The following FAM120B variants were observed in gnomAD, a reference collection of about 807,000 sequenced individuals.
FAM120B encodes the protein family with sequence similarity 120 member B.
In FAM120B, 83 loss-of-function variants were observed where a neutral mutation model predicts 96.3. That is an observed-to-expected ratio of 0.86 (90% CI 0.72 to 1.03). The LOEUF is 1.03. FAM120B is among the 50% of genes least tolerant of loss of function. The pLI, the probability that FAM120B is intolerant of heterozygous loss-of-function variation, is 0.00. For missense variants in FAM120B, 1,027 were observed against 1,121.2 expected (o/e 0.92, Z 1.20); for synonymous variants, 407 against 402.7 (o/e 1.01, Z -0.13).
In FAM120B at chr6:170,318,947, A is replaced by G. The variant is rs1785115589; in HGVS notation, c.1557A>G (p.Glu519=). 1.2e-6 allele frequency: 2 copies of G among 1,614,226 alleles called. No individual in the cohort carries two copies. The highest frequency in any genetic ancestry group is 1.7e-6 in the Non-Finnish European group (2 of 1,180,020). ...GTACAGATCCTATATCCAAGCAAGA[A>G]GACTCCATGTGTACACACGCTGAAA... The part of the protein sequence containing the change: ...PICTDPISKQ[E]DSMCTHAEIN... Residue 519 remains glutamate, a synonymous_variant, in exon 2 of 11, where the codon GAA becomes GAG. Transcript: ENST00000476287.
At chr6:170,361,212 A>ACATATTTTTAATATGTATGTAAC (rs1456252049) in intron 6 of FAM120B, among the ~76,000 whole-genome samples, 1 of 101,614 alleles carries the variant, frequency 9.8e-6, no homozygotes, top group Admixed American at 1.0e-4. Context: ...ATATATATAT[A>ACATATTTTTAATATGTATGTAAC]TATATATATA....
rs867169992 is a variant in FAM120B, at chr6:170,361,193, T to C, written c.2283+2875T>C. Among the ~76,000 whole-genome samples, 26 of 83,988 alleles carry C rather than the reference T, an allele frequency of 3.1e-4. 1 individual carries two copies. Among genetic ancestry groups the C allele is most frequent in the Middle Eastern group, 4.7e-3 (1 of 214 alleles). The allele number at this position is 83,988 out of a possible 152,430, so 55.1% of individuals were successfully genotyped here. A position where few individuals can be genotyped will look rare whatever the true frequency, so the allele number is the denominator to read the frequency against. ...ATATAGCCTTAAAACTATATATATA[T>C]ACGTGTATATATATATATATATATA... On this transcript the variant is annotated intron_variant, in intron 6 of 10. Coordinates refer to ENST00000476287, the MANE Select transcript of FAM120B (RefSeq NM_032448.3).
chr6:170,398,449 T>C (rs183204078), intron 9 of FAM120B, among the ~76,000 whole-genome samples: 41 of 148,600 alleles, frequency 2.8e-4, no homozygotes, highest in Middle Eastern at 3.6e-3. Context: ...GGTAGAACTA[T>C]GTCATAAGCC....
At position 170,372,815 on chromosome 6, in the gene FAM120B, C is replaced by G. The variant is rs369892996; in HGVS notation, c.2283+14497C>G. ...GTGCCCAACTACAATCGGAAGACTT[C>G]TAGTGAAGAGAAAGAATTTTAGTTA... On this transcript the variant is annotated intron_variant, in intron 6 of 10. Coordinates refer to ENST00000476287, the MANE Select transcript of FAM120B (RefSeq NM_032448.3). Among the ~76,000 whole-genome samples, 4 of 152,304 alleles carry G rather than the reference C, an allele frequency of 2.6e-5. No homozygotes were observed. The East Asian group carries it at 7.7e-4, about 29-fold the overall frequency.
intron 2 of FAM120B, among the ~76,000 whole-genome samples, chr6:170,321,100 C>T (rs2115034065): frequency 6.6e-6 from 1 of 152,286 alleles, no homozygotes; most frequent in East Asian, 1.9e-4. Flanking sequence ...AGTGCCTGGG[C>T]AAAGTGGTGG....
chr6:170,395,614 T>C, intron 9 of FAM120B, 35 bp downstream of exon 9: 2 of 1,416,286 alleles, frequency 1.4e-6, no homozygotes, highest in Non-Finnish European at 2.0e-6. Context: ...CTGGGCCACC[T>C]GCATGGCACT....
intron 5 of FAM120B, among the ~76,000 whole-genome samples, chr6:170,352,084 G>A (rs958564120): frequency 6.6e-6 from 1 of 152,180 alleles, no homozygotes; most frequent in East Asian, 1.9e-4. Flanking sequence ...AAAATAAAGG[G>A]TTGGAAGAAA....
Position 170,338,779 on chromosome 6 carries a change from G to C in FAM120B, c.2017+8229G>C, listed in dbSNP as rs112478840. Among the ~76,000 whole-genome samples, 1,546 of 149,786 alleles carry C rather than the reference G, an allele frequency of 0.01. 68 individuals carry two copies. In the East Asian group the frequency reaches 0.11, roughly 10 times the overall value. On this transcript the variant is annotated intron_variant, in intron 4 of 10. Coordinates refer to ENST00000476287, the MANE Select transcript of FAM120B (RefSeq NM_032448.3). ...GATCCCTTTACCATTATGTAATACC[G>C]CTTTGTCTTTTTTGATCTTTGTTGG...
chr6:170,326,793 C>T (rs1357272485), intron 3 of FAM120B, among the ~76,000 whole-genome samples: 3 of 152,188 alleles, frequency 2.0e-5, no homozygotes, highest in Non-Finnish European at 1.5e-5. Flanking sequence ...GGCTGGAGTG[C>T]AGTGGCACCA....
intron 6 of FAM120B, among the ~76,000 whole-genome samples, chr6:170,376,253 G>A (rs778334292): frequency 2.7e-4 from 41 of 152,156 alleles, no homozygotes; most frequent in Non-Finnish European, 3.2e-4. Flanking sequence ...GACTGTGTAT[G>A]AGATCTGTTT....
At chr6:170,404,709 C>G in intron 10 of FAM120B, 54 bp from the exon 11 acceptor site, 2 of 837,468 alleles carry the variant, frequency 2.4e-6, no homozygotes, top group Non-Finnish European at 3.9e-6. Flanking sequence ...ATATTGAATC[C>G]TGCTGACCTG....
At chr6:170,350,788 G>T (rs1176576235) in intron 5 of FAM120B, among the ~76,000 whole-genome samples, 1 of 152,210 alleles carries the variant, frequency 6.6e-6, no homozygotes, top group Non-Finnish European at 1.5e-5. Flanking sequence ...TATGGATAGG[G>T]TTAGAGATCT....
intron 4 of FAM120B, among the ~76,000 whole-genome samples, chr6:170,347,253 T>C (rs572631852): frequency 1.3e-5 from 2 of 152,328 alleles, no homozygotes; most frequent in East Asian, 3.9e-4. Flanking sequence ...GCTTTTGGCA[T>C]GTATTTTATA....
chr6:170,359,603 C>T (rs916084779), intron 6 of FAM120B, among the ~76,000 whole-genome samples: 7 of 151,802 alleles, frequency 4.6e-5, no homozygotes, highest in African/African-American at 1.5e-4. Context: ...TGTACATGTG[C>T]GTGTACATGT....
At chr6:170,310,903 A>T (rs1367014068) in intron 1 of FAM120B, among the ~76,000 whole-genome samples, 1 of 152,202 alleles carries the variant, frequency 6.6e-6, no homozygotes, top group Non-Finnish European at 1.5e-5. Flanking sequence ...AGCTCCTAAC[A>T]TAGGCCTTGG....
intron 3 of FAM120B, among the ~76,000 whole-genome samples, chr6:170,323,722 G>C (rs1158127914): frequency 6.6e-6 from 1 of 152,112 alleles, no homozygotes; most frequent in East Asian, 1.9e-4. Context: ...TGGTGTTTTT[G>C]TAATTTGTGT....
At position 170,323,769 on chromosome 6, in the gene FAM120B, C is replaced by T. The variant is rs542404344; in HGVS notation, c.1915+510C>T. Among the ~76,000 whole-genome samples, 3 of 152,060 alleles carry T rather than the reference C, an allele frequency of 2.0e-5. No homozygotes were observed. In the East Asian group the frequency reaches 5.8e-4, roughly 29 times the overall value. The stretch of plus-strand genomic sequence containing the variant: ...TATATTTCCATTATGTGCTTAGCAA[C>T]AAGAGTAGAGAGCGGACCATCAAGG... On this transcript the variant is annotated intron_variant, in intron 3 of 10. Transcript: ENST00000476287.
chr6:170,400,409 A>C (rs534839678), intron 9 of FAM120B, among the ~76,000 whole-genome samples: 1 of 152,130 alleles, frequency 6.6e-6, no homozygotes, highest in Non-Finnish European at 1.5e-5. Context: ...CTCCTCTGGG[A>C]ATGATAAGAG....
intron 5 of FAM120B, among the ~76,000 whole-genome samples, chr6:170,356,738 A>G (rs1309322662): frequency 6.6e-6 from 1 of 152,162 alleles, no homozygotes; most frequent in Non-Finnish European, 1.5e-5. Context: ...AACCCATGCA[A>G]TTCAAACCTG....
Sources: allele counts gnomAD v4.1 joint callset (sites outside exome capture counted in the v4.1 genomes callset), GRCh38; gene constraint gnomAD v4.1.1; transcripts MANE v1.5; gene names NCBI Gene and HGNC (gene_info 2026-07-23, HGNC 2026-07-21).